GRIK4: variants seen among roughly 807,000 people sequenced by gnomAD.
The protein encoded by GRIK4 is glutamate ionotropic receptor kainate type subunit 4, also known as glutamate receptor ionotropic, kainate 4.
A neutral mutation model predicts 104.9 loss-of-function variants in GRIK4; 40 were observed. The observed-to-expected ratio is 0.38, with a 90% CI of 0.30 to 0.50. The LOEUF (loss-of-function observed/expected upper bound fraction) is 0.50, where lower values mean the gene tolerates loss of function less well. Among genes scored for constraint, GRIK4 ranks in the 20% least tolerant of loss-of-function variants. The pLI is 0.93. For missense variants in GRIK4, 1,047 were observed against 1,308.1 expected (o/e 0.80, Z 3.08); for synonymous variants, 485 against 524.9 (o/e 0.92, Z 1.04).
chr11:120,918,384 G>T (rs143320857), intron 13 of GRIK4, among the ~76,000 whole-genome samples: 9 of 152,334 alleles, frequency 5.9e-5, no homozygotes, highest in African/African-American at 2.2e-4. Context: ...TAGATGCATT[G>T]ATTCCATATT....
chr11:120,940,529 G>C lies in GRIK4; in HGVS notation c.1590+69G>C. 1.2e-6 allele frequency: 1 copy of C among 829,506 alleles called. No homozygotes were observed. The highest frequency in any genetic ancestry group is 2.3e-4 in the Middle Eastern group (1 of 4,378). 51.4% of individuals were successfully genotyped at this position (829,506 alleles called of 1,614,324 possible). On this transcript the variant is annotated intron_variant, in intron 14 of 20. Transcript: ENST00000527524. This position sits in a 1 kb window ranked among gnomAD's most constrained non-coding sequence, Gnocchi z 4.3. The stretch of plus-strand genomic sequence containing the variant: ...TGCATGCAAACACTGAGTTATACGG[G>C]AATAATGAATGACTCATGGAAATAT...
intron 1 of GRIK4, among the ~76,000 whole-genome samples, chr11:120,542,605 C>T (rs1178090118): frequency 6.6e-6 from 1 of 152,176 alleles, no homozygotes; most frequent in Non-Finnish European, 1.5e-5. Context: ...TACAACTTCA[C>T]AGCAAAATAA....
chr11:120,876,735 A>G (rs140804965), intron 11 of GRIK4, among the ~76,000 whole-genome samples: 3 of 152,322 alleles, frequency 2.0e-5, no homozygotes, highest in African/African-American at 7.2e-5. Flanking sequence ...TCTAAAGTCT[A>G]AGTTCTTAAC....
At chr11:120,875,289 C>G (rs763990598) in intron 11 of GRIK4, 46 bp downstream of exon 11, 1 of 1,174,024 alleles carries the variant, frequency 8.5e-7, no homozygotes, top group Admixed American at 1.7e-5. Context: ...CCTCTCTGTT[C>G]CATTTCATTG....
chr11:120,634,630 G>A (rs1221811139), intron 1 of GRIK4, among the ~76,000 whole-genome samples: 1 of 152,182 alleles, frequency 6.6e-6, no homozygotes, highest in Non-Finnish European at 1.5e-5. Flanking sequence ...AATTGAGTCT[G>A]TCAGATGGGA....
intron 8 of GRIK4, among the ~76,000 whole-genome samples, chr11:120,861,093 C>CTTTTTTTT (rs547199127): frequency 4.6e-4 from 40 of 86,556 alleles, no homozygotes; most frequent in African/African-American, 9.8e-4. Context: ...AAATCATCCT[C>CTTTTTTTT]TTTTTTTTTT....
chr11:120,585,644 G>C (rs1285082046), intron 1 of GRIK4, among the ~76,000 whole-genome samples: 4 of 150,980 alleles, frequency 2.6e-5, no homozygotes, highest in Non-Finnish European at 5.9e-5. Context: ...AAGATCACAA[G>C]TGTTTTCTTC....
chr11:120,692,467 A>T (rs1199530851), intron 3 of GRIK4, among the ~76,000 whole-genome samples: 1 of 152,126 alleles, frequency 6.6e-6, no homozygotes, highest in Non-Finnish European at 1.5e-5. Context: ...AATTCATGTG[A>T]CCATGGCGGG....
At chr11:120,691,914 T>C (rs1950370907) in intron 3 of GRIK4, among the ~76,000 whole-genome samples, 2 of 152,178 alleles carry the variant, frequency 1.3e-5, no homozygotes, top group African/African-American at 2.4e-5. Flanking sequence ...GTTTAGAGTA[T>C]GGGAATTTTC....
At chr11:120,948,462 T>A (rs976062549) in intron 14 of GRIK4, among the ~76,000 whole-genome samples, 1 of 152,176 alleles carries the variant, frequency 6.6e-6, no homozygotes. Context: ...CAATGACGTC[T>A]TTGGGTAGGC....
chr11:120,750,271 A>G (rs1012300634), intron 3 of GRIK4, among the ~76,000 whole-genome samples: 2 of 152,020 alleles, frequency 1.3e-5, no homozygotes, highest in Non-Finnish European at 2.9e-5. Context: ...AATTGAAAAA[A>G]ACAAATTGCC....
chr11:120,874,253 C>T, intron 10 of GRIK4, 35 bp downstream of exon 10: 1 of 1,573,278 alleles, frequency 6.4e-7, no homozygotes, highest in South Asian at 1.1e-5. Flanking sequence ...GGGCTGTGCC[C>T]AGGCTAGTGG....
intron 11 of GRIK4, among the ~76,000 whole-genome samples, chr11:120,897,118 C>T (rs1312249922): frequency 2.0e-5 from 3 of 150,806 alleles, no homozygotes; most frequent in African/African-American, 4.9e-5. Context: ...AGGTCAAGAC[C>T]AGCCTGGGCA....
At chr11:120,946,454 G>T (rs889147950) in intron 14 of GRIK4, among the ~76,000 whole-genome samples, 1 of 152,114 alleles carries the variant, frequency 6.6e-6, no homozygotes, top group Non-Finnish European at 1.5e-5. Flanking sequence ...AGGGTTCGAG[G>T]CTGTAGTGAG....
chr11:120,626,562 C>T (rs1949262120), intron 1 of GRIK4, among the ~76,000 whole-genome samples: 1 of 152,116 alleles, frequency 6.6e-6, no homozygotes, highest in African/African-American at 2.4e-5. Context: ...CTTTGGTCCC[C>T]TGCCACACCA....
intron 1 of GRIK4, among the ~76,000 whole-genome samples, chr11:120,636,233 GTCT>G (rs1297942949): frequency 1.3e-5 from 2 of 152,162 alleles, no homozygotes; most frequent in Non-Finnish European, 2.9e-5. Flanking sequence ...GGCCATATCT[GTCT>G]TCTTCTTTTA....
In GRIK4 at chr11:120,802,681, G is replaced by A; in HGVS notation, c.83-12G>A. On this transcript the variant is annotated splice_polypyrimidine_tract_variant and intron_variant, in intron 3 of 20. Transcript: ENST00000527524. ...GAGTACCAATTGTCTCCATGTGGTTGCCTGCCCACAGCTGCTATCTTGGAC... is the reference window on the plus strand; with the variant it reads ...GAGTACCAATTGTCTCCATGTGGTTACCTGCCCACAGCTGCTATCTTGGAC... 6.2e-7 allele frequency: 1 copy of A among 1,611,614 alleles called. No individual in the cohort carries two copies. The highest frequency in any genetic ancestry group is 8.5e-7 in the Non-Finnish European group (1 of 1,178,518).
At chr11:120,545,079 T>A (rs1404385545) in intron 1 of GRIK4, among the ~76,000 whole-genome samples, 2 of 152,110 alleles carry the variant, frequency 1.3e-5, no homozygotes, top group Non-Finnish European at 2.9e-5. Context: ...AGAGGCCAGC[T>A]GTGAACAAAC....
At chr11:120,579,078 C>T (rs1352579108) in intron 1 of GRIK4, among the ~76,000 whole-genome samples, 1 of 152,158 alleles carries the variant, frequency 6.6e-6, no homozygotes, top group Non-Finnish European at 1.5e-5. Flanking sequence ...ATAGTCCAGC[C>T]CAAGTGGCAT....
Sources: gnomAD v4.1 joint callset for allele counts (sites outside exome capture counted in the v4.1 genomes callset) on GRCh38, gnomAD v4.1.1 for gene constraint, Gnocchi (gnomAD v3.1) non-coding constraint, MANE v1.5 for transcripts, NCBI Gene and HGNC (gene_info 2026-07-23, HGNC 2026-07-21) for gene names.